Variants in ARHGEF17 observed in about 807,000 individuals in gnomAD.
The protein encoded by ARHGEF17 is 164 kDa Rho-specific guanine-nucleotide exchange factor.
ARHGEF17 carries 80 observed loss-of-function variants against 174.0 expected under a neutral mutation model. The observed-to-expected ratio is 0.46, with a 90% CI of 0.38 to 0.55. ARHGEF17 has a LOEUF of 0.55. Among genes scored for constraint, ARHGEF17 ranks in the 20% least tolerant of loss-of-function variants. The pLI is 0.00. For synonymous variants in ARHGEF17, 1,311 were observed against 1,189.1 expected (o/e 1.10, Z -2.11); for missense variants, 2,886 against 2,839.7 (o/e 1.02, Z -0.37).
Position 73,310,465 on chromosome 11 carries a change from A to G in ARHGEF17, c.1827A>G (p.Gln609=), listed in dbSNP as rs1219248717. 1 of 1,613,992 alleles carries G rather than the reference A, an allele frequency of 6.2e-7. No individual in the cohort carries two copies. Among genetic ancestry groups the G allele is most frequent in the Admixed American group, 1.7e-5 (1 of 60,032 alleles). ...FEKIQRMGAQ[Q]DDGSDAPPGS... is the part of the protein sequence containing the mutation. ...AGATCCAGCGCATGGGTGCCCAACA[A>G]GATGATGGAAGCGATGCCCCCCCTG... Residue 609 remains glutamine, a synonymous_variant, in exon 1 of 21, where the codon CAA becomes CAG. Coordinates refer to ENST00000263674, the MANE Select transcript of ARHGEF17 (RefSeq NM_014786.4).
chr11:73,358,797 C>T (rs938447997), intron 9 of ARHGEF17, among the ~76,000 whole-genome samples: 18 of 152,080 alleles, frequency 1.2e-4, no homozygotes, highest in African/African-American at 3.9e-4. Context: ...ACTCAGGATT[C>T]GATTTCAACC....
At chr11:73,359,625 A>C (rs1324006523) in intron 9 of ARHGEF17, among the ~76,000 whole-genome samples, 1 of 152,206 alleles carries the variant, frequency 6.6e-6, no homozygotes, top group Non-Finnish European at 1.5e-5. Context: ...ATGGCTCTGA[A>C]TCAGGCCTAG....
intron 1 of ARHGEF17, among the ~76,000 whole-genome samples, chr11:73,319,314 G>C (rs553508486): frequency 4.1e-4 from 63 of 152,054 alleles, no homozygotes; most frequent in Non-Finnish European, 5.9e-4. Flanking sequence ...CGCCTGCCTC[G>C]ACCTCCCAAA....
chr11:73,316,175 A>G (rs1864926536), intron 1 of ARHGEF17, among the ~76,000 whole-genome samples: 1 of 152,264 alleles, frequency 6.6e-6, no homozygotes, highest in Non-Finnish European at 1.5e-5. Flanking sequence ...AAGAGGGCAC[A>G]GCATGAGCAG....
chr11:73,320,610 C>T (rs1288072894), intron 1 of ARHGEF17, among the ~76,000 whole-genome samples: 4 of 121,122 alleles, frequency 3.3e-5, no homozygotes, highest in Non-Finnish European at 6.3e-5. Context: ...GCCTGGGTGA[C>T]AGAGCGAGAC....
At position 73,329,405 on chromosome 11, in the gene ARHGEF17, G is replaced by T. The variant is rs866093620; in HGVS notation, c.3193-17478G>T. ...TTTTTTTTTTGTATTTTGGGTTTTT[G>T]TTTTTTTTTTTTGAGACGGAGTCTC... On this transcript the variant is annotated intron_variant, in intron 1 of 20. Coordinates refer to ENST00000263674, the MANE Select transcript of ARHGEF17 (RefSeq NM_014786.4). Among the ~76,000 whole-genome samples, 436 of 44,272 alleles carry T rather than the reference G, an allele frequency of 9.8e-3. 5 individuals are homozygous for T. Among genetic ancestry groups the T allele is most frequent in the Non-Finnish European group, 0.013 (302 of 23,040 alleles). 29.0% of individuals were successfully genotyped at this position (44,272 alleles called of 152,430 possible).
Position 73,310,978 on chromosome 11 carries a change from C to T in ARHGEF17, c.2340C>T (p.Thr780=), listed in dbSNP as rs144094105. The T allele has an allele frequency of 7.9e-5, 127 of 1,614,168 alleles. No individual in the cohort carries two copies. The African/African-American group carries it at 1.4e-3, about 17-fold the overall frequency. Residue 780 remains threonine (T), a synonymous_variant, in exon 1 of 21, where the codon ACC becomes ACT. Transcript: ENST00000263674. ...CCTCAGCCATGGATGAGGGCTTGACCAGTGGTCACAGTGACTGGTCTGTGG... is the reference window on the plus strand; with the variant it reads ...CCTCAGCCATGGATGAGGGCTTGACTAGTGGTCACAGTGACTGGTCTGTGG... ...PATSAMDEGL[T]SGHSDWSVGS...
rs775863972 is a variant in ARHGEF17 at position 73,362,623 on chromosome 11, C to G, written c.4885C>G (p.Arg1629Gly). ...GCCGGGCCTCGGCGAGGGTGACCCC[C>G]GCCCAGAGCTGGTGCCCTTTGACAG... Reference protein sequence around the residue: ...MTPGLGEGDPRPELVPFDSDS... With the variant: ...MTPGLGEGDPGPELVPFDSDS... Residue 1629 changes from arginine to glycine, a missense_variant, in exon 14 of 21, where the codon CGC (arginine) becomes GGC (glycine). By Grantham distance (125) the Arg-to-Gly change is moderately radical. This residue lies in a region of ARHGEF17 where 476 missense variants were observed against 473.1 expected (regional missense o/e 1.01). Transcript: ENST00000263674. The G allele has an allele frequency of 6.2e-7, 1 of 1,611,296 alleles. No individual in the cohort carries two copies. Among genetic ancestry groups the G allele is most frequent in the Non-Finnish European group, 8.5e-7 (1 of 1,179,998 alleles).
At chr11:73,319,588 A>T (rs1322964852) in intron 1 of ARHGEF17, among the ~76,000 whole-genome samples, 1 of 152,226 alleles carries the variant, frequency 6.6e-6, no homozygotes, top group Non-Finnish European at 1.5e-5. Context: ...TTGGTTCCTG[A>T]TATTCAGAGT....
At chr11:73,313,706 G>C (rs545651649) in intron 1 of ARHGEF17, among the ~76,000 whole-genome samples, 7 of 152,220 alleles carry the variant, frequency 4.6e-5, no homozygotes, top group Non-Finnish European at 8.8e-5. Context: ...GTCCCCTTAG[G>C]GGGAGGTAAC....
intron 12 of ARHGEF17, 67 bp from the exon 13 acceptor site, chr11:73,361,973 C>T (rs1865746488): frequency 6.4e-7 from 1 of 1,563,766 alleles, no homozygotes; most frequent in Admixed American, 1.8e-5. Flanking sequence ...CGGGGTTTCC[C>T]AGGAGTGGGG....
chr11:73,353,682 A>G (rs1353382608), intron 3 of ARHGEF17, among the ~76,000 whole-genome samples: 1 of 152,024 alleles, frequency 6.6e-6, no homozygotes, highest in African/African-American at 2.4e-5. Flanking sequence ...GGCTTCCCCT[A>G]CCCCATACTG....
At position 73,309,375 on chromosome 11, in the gene ARHGEF17, G is replaced by T. The variant is rs1332312893; in HGVS notation, c.737G>T (p.Arg246Leu). ...GCCTCCTATCCTGTCAGCCGCAGTCGTGCTGCCAGCTCCAGCGAGGAGGAA... is the reference window on the plus strand; with the variant it reads ...GCCTCCTATCCTGTCAGCCGCAGTCTTGCTGCCAGCTCCAGCGAGGAGGAA... Reference protein sequence around the residue: ...IAASYPVSRSRAASSSEEEEE... With the variant: ...IAASYPVSRSLAASSSEEEEE... The change falls in exon 1 of 21, where the codon CGT becomes CTT. Residue 246 changes from arginine to leucine, a missense_variant. By Grantham distance (102) the Arg-to-Leu change is moderately radical. This residue lies in a region of ARHGEF17 where 1,728 missense variants were observed against 1,461.2 expected (regional missense o/e 1.18). Transcript: ENST00000263674. 8 of 1,590,730 alleles carry T rather than the reference G, an allele frequency of 5.0e-6. No individual in the cohort carries two copies. Among genetic ancestry groups the T allele is most frequent in the East Asian group, 2.2e-5 (1 of 44,588 alleles).
intron 9 of ARHGEF17, 97 bp downstream of exon 9, chr11:73,357,424 T>A: frequency 8.4e-7 from 1 of 1,190,494 alleles, no homozygotes; most frequent in Non-Finnish European, 1.2e-6. Flanking sequence ...CCTGTCCAGC[T>A]GCTTTTCCAC....
intron 3 of ARHGEF17, chr11:73,353,231 G>T: frequency 1.6e-6 from 1 of 614,492 alleles, no homozygotes; most frequent in Non-Finnish European, 2.8e-6. Context: ...ACTCTGGCAC[G>T]GACTCCGACC....
intron 10 of ARHGEF17, 66 bp from the exon 11 acceptor site, chr11:73,360,254 C>T (rs1865714148): frequency 6.4e-7 from 1 of 1,563,872 alleles, no homozygotes; most frequent in Non-Finnish European, 8.8e-7. Context: ...GGTCCCCACA[C>T]ATTAAGGGCA....
At chr11:73,342,301 G>A (rs1435088786) in intron 1 of ARHGEF17, among the ~76,000 whole-genome samples, 3 of 152,086 alleles carry the variant, frequency 2.0e-5, no homozygotes, top group African/African-American at 7.2e-5. Flanking sequence ...GGCAGGGGTA[G>A]GGATGATTCA....
At chr11:73,342,527 G>A (rs560964038) in intron 1 of ARHGEF17, among the ~76,000 whole-genome samples, 2 of 152,286 alleles carry the variant, frequency 1.3e-5, no homozygotes, top group South Asian at 4.1e-4. Flanking sequence ...GTCTGTAAGG[G>A]ACTGTGTTGA....
In ARHGEF17 at chr11:73,309,732, C is replaced by T. The variant is rs750591581; in HGVS notation, c.1094C>T (p.Ser365Phe). Residue 365 changes from serine (S) to phenylalanine (F), a missense_variant, in exon 1 of 21, where the codon TCT becomes TTT. Ser to Phe is a radical substitution (Grantham distance 155). This residue lies in a region of ARHGEF17 where 1,728 missense variants were observed against 1,461.2 expected (regional missense o/e 1.18). Transcript: ENST00000263674. ...GAGGGACTTCGGCCTATGTCTGACT[C>T]TGTGGGAGGAGCTTTCCGTGTGGCC... is the stretch of plus-strand genomic sequence containing the variant. ...PQEGLRPMSD[S>F]VGGAFRVAKV... 6.2e-7 allele frequency: 1 copy of T among 1,612,862 alleles called. No homozygotes were observed. The highest frequency in any genetic ancestry group is 1.1e-5 in the South Asian group (1 of 91,088).
Sources: allele counts gnomAD v4.1 joint callset (sites outside exome capture counted in the v4.1 genomes callset), GRCh38; gene constraint gnomAD v4.1.1; regional missense constraint gnomAD v4.1.1; transcripts MANE v1.5; gene names NCBI Gene and HGNC (gene_info 2026-07-23, HGNC 2026-07-21).